The following MEGF6 variants were observed in gnomAD, a reference collection of about 807,000 sequenced individuals.
MEGF6 encodes multiple EGF like domains 6.
In MEGF6, 184 loss-of-function variants were observed where a neutral mutation model predicts 207.1. The ratio of observed to expected loss-of-function variants is 0.89; its 90% CI spans 0.79 to 1.00. The LOEUF is 1.00. Ranked by LOEUF, MEGF6 falls within the 50% of genes least tolerant of loss-of-function variation. The pLI, the probability that MEGF6 is intolerant of heterozygous loss-of-function variation, is 0.00. For missense variants in MEGF6, 2,282 were observed against 2,202.9 expected (o/e 1.04, Z -0.72); for synonymous variants, 1,038 against 910.0 (o/e 1.14, Z -2.53).
chr1:3,602,892 C>A (rs1392189805), intron 1 of MEGF6, among the ~76,000 whole-genome samples: 6 of 152,218 alleles, frequency 3.9e-5, no homozygotes, highest in Non-Finnish European at 8.8e-5. Context: ...AACGACGCTG[C>A]CTCAACAGAC....
intron 4 of MEGF6, among the ~76,000 whole-genome samples, chr1:3,555,533 A>G (rs1407157107): frequency 6.6e-6 from 1 of 152,234 alleles, no homozygotes; most frequent in Non-Finnish European, 1.5e-5. Context: ...TGAAAGCAGG[A>G]GACGGCAGAG....
Position 3,490,212 on chromosome 1 carries a change from A to G in MEGF6, c.*316T>C, listed in dbSNP as rs1640296154. ...CGCCTGCACCCACACTGGCGCCCAC[A>G]CCTGTCCTCAGTCCAACTCAGAGCC... On this transcript the variant is annotated 3_prime_UTR_variant, in exon 37 of 37. Transcript: ENST00000356575. The G allele has an allele frequency of 2.3e-6, 1 of 435,028 alleles. No individual in the cohort carries two copies. The highest frequency in any genetic ancestry group is 3.1e-5 in the South Asian group (1 of 31,804). The allele number at this position is 435,028 out of a possible 1,614,324, so 26.9% of individuals were successfully genotyped here. A position where few individuals can be genotyped will look rare whatever the true frequency, so the allele number is the denominator to read the frequency against.
At chr1:3,497,805 A>G (rs1156555313) in intron 26 of MEGF6, among the ~76,000 whole-genome samples, 1 of 152,184 alleles carries the variant, frequency 6.6e-6, no homozygotes, top group East Asian at 1.9e-4. Flanking sequence ...TCCTGACCTG[A>G]GCAAGGGACC....
intron 4 of MEGF6, among the ~76,000 whole-genome samples, chr1:3,561,202 C>T (rs1643190202): frequency 6.6e-6 from 1 of 152,174 alleles, no homozygotes; most frequent in Non-Finnish European, 1.5e-5. Flanking sequence ...TTGAGCTGAG[C>T]TCCAGGCAAT....
chr1:3,498,347 C>A (rs755179809), intron 26 of MEGF6, 24 bp downstream of exon 26: 1 of 1,589,060 alleles, frequency 6.3e-7, no homozygotes, highest in Non-Finnish European at 8.5e-7. Context: ...CCTGCAGACC[C>A]CCCTGCTGCC....
In MEGF6 at chr1:3,508,622, G is replaced by C; in HGVS notation, c.1596C>G (p.Thr532=). The C allele has an allele frequency of 6.2e-7, 1 of 1,613,548 alleles. No individual in the cohort carries two copies. Among genetic ancestry groups the C allele is most frequent in the East Asian group, 2.2e-5 (1 of 44,868 alleles). ...CACAGCCATCCAGGCCCAGGAGGCA[G>C]GTCCCTCCGTTCCTGCAGTCATCAC... The part of the protein sequence containing the change: ...LTCDDCRNGG[T]CLLGLDGCDC... The change falls in exon 13 of 37, where the codon ACC becomes ACG. Residue 532 remains threonine (T), a synonymous_variant. Transcript: ENST00000356575.
chr1:3,579,075 G>T (rs1269494128), intron 4 of MEGF6, among the ~76,000 whole-genome samples: 2 of 152,252 alleles, frequency 1.3e-5, no homozygotes, highest in East Asian at 3.8e-4. Context: ...CAGTCCCAAA[G>T]CCCCAGGGCC....
Position 3,525,941 on chromosome 1 carries a change from G to A in MEGF6, c.482-1695C>T, listed in dbSNP as rs535284401. Among the ~76,000 whole-genome samples the A allele has an allele frequency of 2.6e-5, 4 of 152,356 alleles. No homozygotes were observed. The East Asian group carries it at 7.7e-4, about 29-fold the overall frequency. Reference sequence around the variant, plus strand: ...CAGAGCAGACAGGCAGGAGGCCACAGGCTTCCTGGACACCTGTGTGTGCAG... The same window carrying A: ...CAGAGCAGACAGGCAGGAGGCCACAAGCTTCCTGGACACCTGTGTGTGCAG... On this transcript the variant is annotated intron_variant, in intron 4 of 36. Transcript: ENST00000356575.
rs2100780436 is a variant in MEGF6, at chr1:3,488,118, TC to T, written c.*2409del. On this transcript the variant is annotated 3_prime_UTR_variant, in exon 37 of 37. Transcript: ENST00000356575. ...TGTGTGTTGAGAATGTTCAATATCC[TC>T]CTTCTTGCTGCTTGAAACTATATAA... Among the ~76,000 whole-genome samples, 1 of 152,334 alleles carries T rather than the reference TC, an allele frequency of 6.6e-6. No homozygotes were observed. The highest frequency in any genetic ancestry group is 2.1e-4 in the South Asian group (1 of 4,828).
chr1:3,527,593 C>A (rs1642009335), intron 4 of MEGF6, among the ~76,000 whole-genome samples: 1 of 152,212 alleles, frequency 6.6e-6, no homozygotes, highest in African/African-American at 2.4e-5. Context: ...CGGGAAGATG[C>A]TGGAAAGCAA....
In MEGF6 at chr1:3,497,006, C is replaced by T. The variant is rs552453109; in HGVS notation, c.3595G>A (p.Gly1199Ser). The T allele has an allele frequency of 3.5e-5, 54 of 1,550,394 alleles. No individual in the cohort carries two copies. The East Asian group carries it at 6.3e-4, about 18-fold the overall frequency. The change falls in exon 28 of 37, where the codon GGC becomes AGC. Residue 1199 changes from glycine (G) to serine (S), a missense_variant. By Grantham distance (56) the Gly-to-Ser change is moderately conservative. Transcript: ENST00000356575. ...GTCSCAAGYH[G>S]PSCQQRCPPG... ...CACTCACGTTGCTGGCAGCTGGGGC[C>T]GTGGTAGCCAGCAGCACATGAGCAG...
At chr1:3,582,364 G>A (rs1187697120) in intron 3 of MEGF6, among the ~76,000 whole-genome samples, 1 of 152,152 alleles carries the variant, frequency 6.6e-6, no homozygotes, top group African/African-American at 2.4e-5. Flanking sequence ...AGCCCCGTAC[G>A]CACTGGATCA....
rs550888835 is a variant in MEGF6, at chr1:3,597,688, C to G, written c.267-2241G>C. ...CGGAAGTGGCGGCCACAAGCCAAGG[C>G]ACTCCCAGACAGCCGGCAGCAGAAG... On this transcript the variant is annotated intron_variant, in intron 2 of 36. Coordinates refer to ENST00000356575, the MANE Select transcript of MEGF6 (RefSeq NM_001409.4). 2.6e-4 allele frequency among the ~76,000 whole-genome samples: 39 copies of G among 152,270 alleles called. No individual in the cohort carries two copies. In the East Asian group the frequency reaches 6.2e-3, roughly 24 times the overall value.
intron 4 of MEGF6, among the ~76,000 whole-genome samples, chr1:3,542,302 G>A (rs1642553914): frequency 6.6e-6 from 1 of 152,264 alleles, no homozygotes; most frequent in Non-Finnish European, 1.5e-5. Context: ...CCATTACATT[G>A]TCACTGTGGT....
At chr1:3,535,175 G>A (rs1043912434) in intron 4 of MEGF6, among the ~76,000 whole-genome samples, 1 of 152,180 alleles carries the variant, frequency 6.6e-6, no homozygotes, top group Non-Finnish European at 1.5e-5. Context: ...AGGGCCAGGT[G>A]TGTCACCGCG....
At chr1:3,498,633 G>T (rs893514834) in intron 25 of MEGF6, 65 bp downstream of exon 25, 6 of 1,501,524 alleles carry the variant, frequency 4.0e-6, no homozygotes, top group Non-Finnish European at 5.3e-6. Context: ...AGCCCTCCTA[G>T]GCCTGCAGGC....
intron 4 of MEGF6, among the ~76,000 whole-genome samples, chr1:3,559,153 G>C (rs912127472): frequency 6.6e-6 from 1 of 152,222 alleles, no homozygotes; most frequent in African/African-American, 2.4e-5. Context: ...CACTCTGCAA[G>C]GTGGTTGGAG....
At chr1:3,563,147 G>A (rs1196918702) in intron 4 of MEGF6, among the ~76,000 whole-genome samples, 2 of 152,124 alleles carry the variant, frequency 1.3e-5, no homozygotes, top group African/African-American at 2.4e-5. Context: ...GCCCAGCGCC[G>A]GCCCCTCACA....
chr1:3,621,375 A>G, the MEGF6 span, among the ~76,000 whole-genome samples: 1 of 152,308 alleles, frequency 6.6e-6, no homozygotes, highest in African/African-American at 2.4e-5. Context: ...GAAGGCTCGC[A>G]CTTGTCTTCT....
Sources: gnomAD v4.1 joint callset for allele counts (sites outside exome capture counted in the v4.1 genomes callset) on GRCh38, gnomAD v4.1.1 for gene constraint, MANE v1.5 for transcripts, NCBI Gene and HGNC (gene_info 2026-07-23, HGNC 2026-07-21) for gene names.